The following FEZ1 variants were observed in gnomAD, a reference collection of about 807,000 sequenced individuals.
FEZ1 encodes fasciculation and elongation protein zeta 1.
Under a neutral mutation model 49.3 loss-of-function variants are expected in FEZ1, and 20 were observed. That is an observed-to-expected ratio of 0.41 (90% CI 0.29 to 0.59). The LOEUF is 0.59. Ranked by LOEUF, FEZ1 falls within the 20% of genes least tolerant of loss-of-function variation. The pLI is 0.36. For synonymous variants in FEZ1, 170 were observed against 180.9 expected (o/e 0.94, Z 0.48); for missense variants, 413 against 476.0 (o/e 0.87, Z 1.23).
In FEZ1 at chr11:125,493,497, A is replaced by G. The variant is rs773259108; in HGVS notation, c.-46+2624T>C. On this transcript the variant is annotated intron_variant, in intron 1 of 9. Transcript: ENST00000278919. The stretch of plus-strand genomic sequence containing the variant: ...AGGAAAGAAGGAAAGAAGGAAAGAA[A>G]GAAAGAAAGAGAGAAAGAAAGAAAG... Among the ~76,000 whole-genome samples, 146 of 90,182 alleles carry G rather than the reference A, an allele frequency of 1.6e-3. 3 individuals carry two copies. The highest frequency in any genetic ancestry group is 5.9e-3 in the East Asian group (16 of 2,720). 59.2% of individuals were successfully genotyped at this position (90,182 alleles called of 152,430 possible). A position where few individuals can be genotyped will look rare whatever the true frequency, so the allele number is the denominator to read the frequency against.
In FEZ1 at chr11:125,445,330, C is replaced by A. The variant is rs1204065764; in HGVS notation, c.*765G>T. 1.3e-5 allele frequency among the ~76,000 whole-genome samples: 2 copies of A among 152,216 alleles called. No individual in the cohort carries two copies. The highest frequency in any genetic ancestry group is 4.8e-5 in the African/African-American group (2 of 41,464). ...AGCTGACTTCCCGCAGGCCCTGAGC[C>A]TCCAGGTCCCCGTGGACAGCCTGGG... is the stretch of plus-strand genomic sequence containing the variant. On this transcript the variant is annotated 3_prime_UTR_variant, in exon 10 of 10. Transcript: ENST00000278919. This position sits in a 1 kb window ranked among gnomAD's most constrained non-coding sequence, Gnocchi z 4.4.
At chr11:125,462,608 G>A (rs1957086985) in intron 4 of FEZ1, among the ~76,000 whole-genome samples, 1 of 152,202 alleles carries the variant, frequency 6.6e-6, no homozygotes, top group South Asian at 2.1e-4. Flanking sequence ...TCCTATCAGA[G>A]ACTGACCCCA....
intron 1 of FEZ1, among the ~76,000 whole-genome samples, chr11:125,494,435 C>T (rs957643824): frequency 2.0e-5 from 3 of 152,220 alleles, no homozygotes; most frequent in African/African-American, 7.2e-5. Flanking sequence ...TCCATCCTGG[C>T]AAGCTTGCAC....
chr11:125,472,669 T>G (rs1415938711), intron 3 of FEZ1, among the ~76,000 whole-genome samples: 1 of 152,068 alleles, frequency 6.6e-6, no homozygotes, highest in Non-Finnish European at 1.5e-5. Context: ...TAATACAAAT[T>G]CTTTCACAAA....
chr11:125,493,480 AGG>A lies in FEZ1; in HGVS notation c.-46+2639_-46+2640del, dbSNP rs1565307219. Among the ~76,000 whole-genome samples, 109 of 75,530 alleles carry A rather than the reference AGG, an allele frequency of 1.4e-3. 12 individuals are homozygous for A. The highest frequency in any genetic ancestry group is 6.1e-3 in the Middle Eastern group (1 of 164). 49.6% of individuals were successfully genotyped at this position (75,530 alleles called of 152,430 possible). A position where few individuals can be genotyped will look rare whatever the true frequency, so the allele number is the denominator to read the frequency against. The stretch of plus-strand genomic sequence containing the variant: ...AAGGAAAGAAGGAAAGAAGGAAAGA[AGG>A]AAAGAAGGAAAGAAAGAAAGAAAGA... On this transcript the variant is annotated intron_variant, in intron 1 of 9. Coordinates refer to ENST00000278919, the MANE Select transcript of FEZ1 (RefSeq NM_005103.5).
intron 4 of FEZ1, among the ~76,000 whole-genome samples, chr11:125,462,898 C>T (rs931583962): frequency 6.7e-6 from 1 of 148,666 alleles, no homozygotes; most frequent in African/African-American, 2.5e-5. Flanking sequence ...TACTTAGGGG[C>T]CTGAGGCGGG....
At chr11:125,475,085 C>T (rs1234586009) in intron 3 of FEZ1, among the ~76,000 whole-genome samples, 1 of 152,100 alleles carries the variant, frequency 6.6e-6, no homozygotes, top group African/African-American at 2.4e-5. Flanking sequence ...TCCTAGGCAA[C>T]ATGGTGAAAT....
In FEZ1 at chr11:125,446,125, AGAG is replaced by A; in HGVS notation, c.1163-17_1163-15del. On this transcript the variant is annotated splice_polypyrimidine_tract_variant and intron_variant, in intron 9 of 9. Coordinates refer to ENST00000278919, the MANE Select transcript of FEZ1 (RefSeq NM_005103.5). ...TAGGGCAGAGCACTGCAACGAGAAG[AGAG>A]GAGGGGAGAGCGGTCAGAACACAGT... The A allele has an allele frequency of 6.2e-7, 1 of 1,613,854 alleles. No individual in the cohort carries two copies. The highest frequency in any genetic ancestry group is 8.5e-7 in the Non-Finnish European group (1 of 1,179,814).
intron 3 of FEZ1, among the ~76,000 whole-genome samples, chr11:125,468,669 C>A (rs1355205002): frequency 6.6e-6 from 1 of 152,018 alleles, no homozygotes; most frequent in East Asian, 1.9e-4. Flanking sequence ...AAGGCAACAG[C>A]AAGAGAAATG....
rs1268865314 is a variant in FEZ1, at chr11:125,444,276, T to C, written c.*1819A>G. 6.6e-6 allele frequency among the ~76,000 whole-genome samples: 1 copy of C among 152,176 alleles called. No homozygotes were observed. Among genetic ancestry groups the C allele is most frequent in the Non-Finnish European group, 1.5e-5 (1 of 68,012 alleles). On this transcript the variant is annotated 3_prime_UTR_variant, in exon 10 of 10. Transcript: ENST00000278919. ...CGCCACCCCTAGCTAAGATTGCTAG[T>C]GTTCTGCTTCTGGAAAAGCAGAAGC...
intron 8 of FEZ1, among the ~76,000 whole-genome samples, chr11:125,449,299 G>A (rs1299613038): frequency 4.0e-5 from 6 of 148,780 alleles, no homozygotes; most frequent in Non-Finnish European, 7.4e-5. Context: ...TCCCCACTTG[G>A]CCTCCCAAAG....
At chr11:125,481,048 A>G (rs916078610) in intron 3 of FEZ1, among the ~76,000 whole-genome samples, 2 of 96,750 alleles carry the variant, frequency 2.1e-5, no homozygotes, top group Non-Finnish European at 4.5e-5. Context: ...CAAAAAAAGA[A>G]AAAAAAAAAA....
chr11:125,470,051 G>T (rs952294971), intron 3 of FEZ1, among the ~76,000 whole-genome samples: 1 of 152,014 alleles, frequency 6.6e-6, no homozygotes, highest in Non-Finnish European at 1.5e-5. Flanking sequence ...AGATGCTCAA[G>T]GATTGCCAGA....
chr11:125,463,677 C>A (rs1036269912), intron 3 of FEZ1, 107 bp from the exon 4 acceptor site: 6 of 724,210 alleles, frequency 8.3e-6, no homozygotes, highest in Non-Finnish European at 1.5e-5. Flanking sequence ...CTCCAGCCAG[C>A]TGCTGTCTAA....
rs565968468 is a variant in FEZ1, at chr11:125,444,373, G to A, written c.*1722C>T. Among the ~76,000 whole-genome samples, 2 of 152,288 alleles carry A rather than the reference G, an allele frequency of 1.3e-5. No homozygotes were observed. The highest frequency in any genetic ancestry group is 3.9e-4 in the East Asian group (2 of 5,184). ...AGCCTAGGAGGGCAGATCGCCTGAGGTCGGGAGTTCGAGACCAACCTGACC... is the reference window on the plus strand; with the variant it reads ...AGCCTAGGAGGGCAGATCGCCTGAGATCGGGAGTTCGAGACCAACCTGACC... On this transcript the variant is annotated 3_prime_UTR_variant, in exon 10 of 10. Coordinates refer to ENST00000278919, the MANE Select transcript of FEZ1 (RefSeq NM_005103.5).
intron 2 of FEZ1, among the ~76,000 whole-genome samples, chr11:125,483,808 C>T (rs1254086527): frequency 2.0e-5 from 3 of 152,152 alleles, no homozygotes; most frequent in Non-Finnish European, 4.4e-5. Context: ...AGAACTTTAA[C>T]GAGCTACACA....
chr11:125,474,065 C>T (rs1957206468), intron 3 of FEZ1, among the ~76,000 whole-genome samples: 1 of 151,444 alleles, frequency 6.6e-6, no homozygotes, highest in South Asian at 2.1e-4. Flanking sequence ...CACTCTGTTG[C>T]CCAGACTGGA....
Position 125,489,495 on chromosome 11 carries a change from C to G in FEZ1, c.283G>C (p.Glu95Gln). The change falls in exon 2 of 10, where the codon GAG becomes CAG. Residue 95 changes from glutamate to glutamine, a missense_variant. Physicochemically the swap from Glu to Gln is conservative, Grantham distance 29 (BLOSUM62 2). Coordinates refer to ENST00000278919, the MANE Select transcript of FEZ1 (RefSeq NM_005103.5). The surrounding 1 kb of genome is among the most constrained non-coding windows in gnomAD (Gnocchi z 4.2). ...APVKNQLQIQEEEETLQDEEV... is the reference protein window; with the variant it reads ...APVKNQLQIQQEEETLQDEEV... ...TCGTCCTGAAGGGTCTCCTCCTCCT[C>G]TTGGATCTGTAACTGGTTCTTCACG... is the stretch of plus-strand genomic sequence containing the variant. The G allele has an allele frequency of 1.2e-6, 2 of 1,613,952 alleles. No homozygotes were observed. The highest frequency in any genetic ancestry group is 8.5e-7 in the Non-Finnish European group (1 of 1,179,918).
chr11:125,475,986 C>T (rs1432282447), intron 3 of FEZ1, among the ~76,000 whole-genome samples: 1 of 152,174 alleles, frequency 6.6e-6, no homozygotes, highest in African/African-American at 2.4e-5. Context: ...TGAACTGTTG[C>T]TATACTTAAA....
Sources: allele counts gnomAD v4.1 joint callset (sites outside exome capture counted in the v4.1 genomes callset), GRCh38; gene constraint gnomAD v4.1.1; non-coding constraint Gnocchi (gnomAD v3.1); transcripts MANE v1.5; gene names NCBI Gene and HGNC (gene_info 2026-07-23, HGNC 2026-07-21).